Variants in TMTC4 observed in about 807,000 individuals in gnomAD.
The protein encoded by TMTC4 is protein O-mannosyl-transferase TMTC4.
TMTC4 carries 65 observed loss-of-function variants against 86.0 expected under a neutral mutation model. The observed-to-expected ratio is 0.76, with a 90% CI of 0.62 to 0.93. The LOEUF is 0.93. Among genes scored for constraint, TMTC4 ranks in the 40% least tolerant of loss-of-function variants. TMTC4 has a pLI of 0.00. For synonymous variants in TMTC4, 379 were observed against 382.5 expected (o/e 0.99, Z 0.11); for missense variants, 866 against 948.1 (o/e 0.91, Z 1.14).
intron 17 of TMTC4, among the ~76,000 whole-genome samples, chr13:100,608,882 T>C (rs773864967): frequency 3.3e-5 from 5 of 152,084 alleles, no homozygotes; most frequent in Non-Finnish European, 5.9e-5. Context: ...TTAACAAAGG[T>C]GTAGGACTGA....
At chr13:100,610,158 G>C (rs1050743862) in intron 17 of TMTC4, among the ~76,000 whole-genome samples, 7 of 152,124 alleles carry the variant, frequency 4.6e-5, no homozygotes, top group African/African-American at 9.7e-5. Context: ...CAAGTGCTTG[G>C]GTAAAAAGTG....
At position 100,637,637 on chromosome 13, in the gene TMTC4, A is replaced by C; in HGVS notation, c.900T>G (p.Ala300=). 5 of 1,614,162 alleles carry C rather than the reference A, an allele frequency of 3.1e-6. No homozygotes were observed. The highest frequency in any genetic ancestry group is 4.2e-6 in the Non-Finnish European group (5 of 1,180,024). ...FRMTLLTSGG[A]GMLYVRWRIM... is the part of the protein sequence containing the mutation. The stretch of plus-strand genomic sequence containing the variant: ...TCCTCCAGCGCACGTAGAGCATCCC[A>C]GCCCCTCCAGAGGTGAGCAGGGTCA... The change falls in exon 9 of 19, where the codon GCT becomes GCG. Residue 300 remains alanine, a synonymous_variant. Transcript: ENST00000342624.
chr13:100,633,466 TTA>T (rs1881737301), intron 12 of TMTC4, among the ~76,000 whole-genome samples: 1 of 152,168 alleles, frequency 6.6e-6, no homozygotes, highest in Admixed American at 6.5e-5. Context: ...ACTGCAAGTT[TTA>T]AAAAGTGTAG....
chr13:100,622,253 C>A (rs532801074), intron 15 of TMTC4, among the ~76,000 whole-genome samples: 17 of 152,220 alleles, frequency 1.1e-4, no homozygotes, highest in Non-Finnish European at 2.1e-4. Flanking sequence ...TTCCTGCCAC[C>A]CTTGCCTCTG....
intron 15 of TMTC4, 69 bp from the exon 16 acceptor site, chr13:100,614,499 A>T: frequency 1.2e-6 from 1 of 847,410 alleles, no homozygotes; most frequent in Non-Finnish European, 1.7e-6. Flanking sequence ...GACATTATTA[A>T]AAAAAAAAAA....
chr13:100,674,911 C>G (rs1321433258), upstream of TMTC4: 1 of 984,794 alleles, frequency 1.0e-6, no homozygotes, highest in Non-Finnish European at 1.2e-6. Flanking sequence ...CCCCCCAGCA[C>G]CAGTCTCGGC....
chr13:100,668,871 A>G, intron 2 of TMTC4, 77 bp from the exon 3 acceptor site: 1 of 1,357,830 alleles, frequency 7.4e-7, no homozygotes, highest in South Asian at 1.3e-5. Flanking sequence ...CGTGAGTAAG[A>G]GCTAGATAGT....
chr13:100,639,721 C>A (rs190445559), intron 7 of TMTC4, among the ~76,000 whole-genome samples: 17 of 152,188 alleles, frequency 1.1e-4, no homozygotes, highest in Non-Finnish European at 1.0e-4. Context: ...GGGTGGATCA[C>A]CTGAGGTCAG....
At chr13:100,624,975 A>G (rs1161488002) in intron 15 of TMTC4, 1 of 152,502 alleles carries the variant, frequency 6.6e-6, no homozygotes, top group Admixed American at 6.5e-5. Context: ...CATCCTGTCA[A>G]TAACCAAAAA....
chr13:100,670,247 T>C (rs1886918777), intron 2 of TMTC4, 113 bp downstream of exon 2: 2 of 1,227,482 alleles, frequency 1.6e-6, no homozygotes, highest in Non-Finnish European at 1.1e-6. Context: ...ATACCCCAGA[T>C]TATGGAATCA....
chr13:100,628,824 A>G (rs1880926627), intron 12 of TMTC4, among the ~76,000 whole-genome samples: 1 of 152,202 alleles, frequency 6.6e-6, no homozygotes, highest in African/African-American at 2.4e-5. Context: ...TAAGGCAGCC[A>G]GACTACACAA....
At chr13:100,674,476 G>A in intron 1 of TMTC4, 1 of 921,896 alleles carries the variant, frequency 1.1e-6, no homozygotes, top group South Asian at 5.0e-5. Context: ...AGAAGCTCAG[G>A]GGCCCGAGCG....
At chr13:100,636,487 C>CT (rs1361329619) in intron 10 of TMTC4, 45 bp downstream of exon 10, 1 of 1,607,666 alleles carries the variant, frequency 6.2e-7, no homozygotes, top group Admixed American at 1.7e-5. Flanking sequence ...CAAAACGCTT[C>CT]TGACTCAACC....
chr13:100,663,954 T>C (rs1446176977), intron 4 of TMTC4, among the ~76,000 whole-genome samples: 2 of 152,216 alleles, frequency 1.3e-5, no homozygotes, highest in Non-Finnish European at 2.9e-5. Flanking sequence ...CTTTCACTCA[T>C]ATTATTCCAT....
chr13:100,605,631 A>G lies in TMTC4; in HGVS notation c.2135-489T>C, dbSNP rs1021950263. On this transcript the variant is annotated intron_variant, in intron 18 of 18. Coordinates refer to ENST00000342624, the MANE Select transcript of TMTC4 (RefSeq NM_032813.5). The surrounding 1 kb of genome is among the most constrained non-coding windows in gnomAD (Gnocchi z 4.3). The stretch of plus-strand genomic sequence containing the variant: ...CCTCTGATATCAAGAGCTGACCCTA[A>G]AATGATAGTTACAGTAAACCTAATC... 2.0e-5 allele frequency among the ~76,000 whole-genome samples: 3 copies of G among 152,200 alleles called. No individual in the cohort carries two copies. Among genetic ancestry groups the G allele is most frequent in the Non-Finnish European group, 4.4e-5 (3 of 68,034 alleles).
intron 10 of TMTC4, chr13:100,635,629 A>G (rs1194929780): frequency 6.5e-6 from 1 of 153,954 alleles, no homozygotes; most frequent in African/African-American, 2.4e-5. Context: ...AATGAGAATA[A>G]TAACACTTAA....
At chr13:100,655,224 T>A (rs1411807002) in intron 6 of TMTC4, among the ~76,000 whole-genome samples, 1 of 152,122 alleles carries the variant, frequency 6.6e-6, no homozygotes, top group African/African-American at 2.4e-5. Flanking sequence ...GGTTTCACTA[T>A]GTTGGCTATG....
At chr13:100,642,083 T>C in intron 7 of TMTC4, 128 bp downstream of exon 7, 1 of 881,296 alleles carries the variant, frequency 1.1e-6, no homozygotes, top group Admixed American at 2.6e-5. Context: ...GAAAGGTCTA[T>C]CACCTCAGGC....
intron 15 of TMTC4, chr13:100,623,947 G>T: frequency 2.2e-6 from 1 of 462,166 alleles, no homozygotes; most frequent in South Asian, 1.6e-5. Context: ...GTCTTTGGGG[G>T]TAGTACATTG....
Sources: gnomAD v4.1 joint callset for allele counts (sites outside exome capture counted in the v4.1 genomes callset) on GRCh38, gnomAD v4.1.1 for gene constraint, Gnocchi (gnomAD v3.1) non-coding constraint, MANE v1.5 for transcripts, NCBI Gene and HGNC (gene_info 2026-07-23, HGNC 2026-07-21) for gene names.